Variants in SLC5A10 observed in about 807,000 individuals in gnomAD.
The protein encoded by SLC5A10 is sodium/mannose cotransporter SLC5A10.
SLC5A10 carries 55 observed loss-of-function variants against 68.9 expected under a neutral mutation model. The observed-to-expected ratio is 0.80, with a 90% CI of 0.64 to 1.00. The LOEUF (loss-of-function observed/expected upper bound fraction) is 1.00. Ranked by LOEUF, SLC5A10 falls within the 50% of genes least tolerant of loss-of-function variation. SLC5A10 has a pLI of 0.00. For missense variants in SLC5A10, 732 were observed against 819.3 expected, an observed-to-expected ratio of 0.89 and a Z score of 1.30; for synonymous variants, 344 against 344.8, an observed-to-expected ratio of 1.00 and a Z score of 0.02.
chr17:19,006,486 A>G (rs1597901651), intron 9 of SLC5A10, among the ~76,000 whole-genome samples: 6 of 141,714 alleles, frequency 4.2e-5, no homozygotes, highest in Admixed American at 3.8e-4. Context: ...TGATTCTCCC[A>G]CCTTGGCCTC....
chr17:19,002,200 T>C (rs1257991434), intron 9 of SLC5A10, among the ~76,000 whole-genome samples: 1 of 152,204 alleles, frequency 6.6e-6, no homozygotes, highest in African/African-American at 2.4e-5. Context: ...GATGCAGCTT[T>C]TATCCACACC....
chr17:18,986,326 C>T (rs1266838627), intron 9 of SLC5A10: 2 of 152,202 alleles, frequency 1.3e-5, no homozygotes, highest in African/African-American at 4.8e-5. Context: ...TCAAGTTCAT[C>T]CTTTGATGCT....
intron 9 of SLC5A10, among the ~76,000 whole-genome samples, chr17:18,994,489 A>C (rs572244105): frequency 8.5e-5 from 13 of 152,354 alleles, no homozygotes; most frequent in African/African-American, 3.1e-4. Context: ...TGGAGTCTTC[A>C]GCTGATAGCC....
At chr17:18,978,367 G>A (rs749858255) in intron 9 of SLC5A10, 34 of 1,595,664 alleles carry the variant, frequency 2.1e-5, no homozygotes, top group Non-Finnish European at 2.8e-5. Context: ...AGATGTTGGG[G>A]TCGATGATAT....
chr17:18,978,569 T>C, intron 9 of SLC5A10: 1 of 1,613,232 alleles, frequency 6.2e-7, no homozygotes, highest in Non-Finnish European at 8.5e-7. Context: ...CTCCTGCTTC[T>C]CAGAGGAGAT....
chr17:19,020,384 ATCC>A lies in SLC5A10; in HGVS notation c.1750_1752del (p.Leu584del), dbSNP rs762371209. ...GGCCCGTGTCTGTGGCTTCAATGCC[ATCC>A]TCCTCATGTGTGTCAACATATTCTT... is the stretch of plus-strand genomic sequence containing the variant. On this transcript the variant is annotated inframe_deletion, in exon 15 of 15. Coordinates refer to ENST00000395645, the MANE Select transcript of SLC5A10 (RefSeq NM_001042450.4). 1.9e-6 allele frequency: 3 copies of A among 1,614,058 alleles called. No homozygotes were observed. In the East Asian group the frequency reaches 6.7e-5, roughly 36 times the overall value.
At chr17:18,978,776 T>C in intron 9 of SLC5A10, 1 of 1,612,838 alleles carries the variant, frequency 6.2e-7, no homozygotes, top group Non-Finnish European at 8.5e-7. Flanking sequence ...GAACTGCCGG[T>C]CAAACATCTC....
chr17:18,995,975 G>A (rs918833207), intron 9 of SLC5A10, among the ~76,000 whole-genome samples: 9 of 150,058 alleles, frequency 6.0e-5, no homozygotes, highest in Admixed American at 2.6e-4. Context: ...CTATACCAAC[G>A]CACATCATAA....
chr17:18,984,401 G>A (rs539701038), intron 9 of SLC5A10, among the ~76,000 whole-genome samples: 154 of 151,836 alleles, frequency 1.0e-3, no homozygotes, highest in Non-Finnish European at 1.9e-3. Flanking sequence ...CCAGGCCCAG[G>A]TAGAGACAGC....
intron 1 of SLC5A10, among the ~76,000 whole-genome samples, chr17:18,955,328 C>T (rs1392358388): frequency 6.6e-6 from 1 of 152,182 alleles, no homozygotes; most frequent in Non-Finnish European, 1.5e-5. Context: ...GGCTGCACCA[C>T]TTGCTAGATG....
intron 1 of SLC5A10, among the ~76,000 whole-genome samples, chr17:18,952,887 C>T (rs1597805780): frequency 6.6e-6 from 1 of 152,132 alleles, no homozygotes; most frequent in South Asian, 2.1e-4. Context: ...CAGCGGGGCC[C>T]CTGGGGACAG....
At chr17:19,001,753 C>G (rs949244145) in intron 9 of SLC5A10, among the ~76,000 whole-genome samples, 1 of 152,196 alleles carries the variant, frequency 6.6e-6, no homozygotes, top group African/African-American at 2.4e-5. Context: ...CTGGGGTCAG[C>G]AGGTGAAGTC....
upstream of SLC5A10, among the ~76,000 whole-genome samples, chr17:18,951,301 C>T (rs537802965): frequency 5.9e-5 from 9 of 152,248 alleles, no homozygotes; most frequent in East Asian, 1.9e-4. Context: ...GCGGTGGAGA[C>T]GGTGGGGCCA....
At chr17:18,952,642 G>T (rs995630835) in intron 1 of SLC5A10, 7 of 219,088 alleles carry the variant, frequency 3.2e-5, no homozygotes, top group Non-Finnish European at 5.4e-5. Flanking sequence ...CATGGTGTCA[G>T]TGACTCCTGT....
At chr17:18,966,749 CA>C (rs34809691) in intron 5 of SLC5A10, among the ~76,000 whole-genome samples, 74 of 97,586 alleles carry the variant, frequency 7.6e-4, no homozygotes, top group African/African-American at 1.3e-3. Context: ...GACTCCGTCT[CA>C]AAAAAAAAAA....
At position 18,985,768 on chromosome 17, in the gene SLC5A10, C is replaced by T. The variant is rs184850832; in HGVS notation, c.982+8779C>T. On this transcript the variant is annotated intron_variant, in intron 9 of 14. Coordinates refer to ENST00000395645, the MANE Select transcript of SLC5A10 (RefSeq NM_001042450.4). The stretch of plus-strand genomic sequence containing the variant: ...CACCCTACAGACTCTGCCACCTTCC[C>T]TGGGGAAGCGAGGCGGCTGAGCAGG... Among the ~76,000 whole-genome samples, 245 of 152,332 alleles carry T rather than the reference C, an allele frequency of 1.6e-3. 2 individuals are homozygous for T. Among genetic ancestry groups the T allele is most frequent in the Non-Finnish European group, 1.8e-3 (125 of 68,018 alleles).
intron 1 of SLC5A10, among the ~76,000 whole-genome samples, chr17:18,952,807 G>A (rs566764188): frequency 6.6e-6 from 1 of 152,318 alleles, no homozygotes; most frequent in South Asian, 2.1e-4. Context: ...TAGATCATAA[G>A]CCGGTTCTTT....
At chr17:18,966,151 A>C (rs948218983) in intron 5 of SLC5A10, among the ~76,000 whole-genome samples, 2 of 152,162 alleles carry the variant, frequency 1.3e-5, no homozygotes, top group African/African-American at 4.8e-5. Flanking sequence ...GGGGTCCTGC[A>C]TGGGGAGGAA....
chr17:18,958,903 G>A, intron 2 of SLC5A10, 150 bp downstream of exon 2: 1 of 929,472 alleles, frequency 1.1e-6, no homozygotes, highest in Non-Finnish European at 1.6e-6. Context: ...AGGGGCATAG[G>A]GCTGAGCTGC....
Sources: allele counts gnomAD v4.1 joint callset (sites outside exome capture counted in the v4.1 genomes callset), GRCh38; gene constraint gnomAD v4.1.1; transcripts MANE v1.5; gene names NCBI Gene and HGNC (gene_info 2026-07-23, HGNC 2026-07-21).